Variants in CUEDC2 observed in about 807,000 individuals in gnomAD.
CUEDC2 encodes CUE domain containing 2.
A neutral mutation model predicts 36.0 loss-of-function variants in CUEDC2; 10 were observed. The ratio of observed to expected loss-of-function variants is 0.28; its 90% CI spans 0.17 to 0.47. The LOEUF is 0.47. Ranked by LOEUF, CUEDC2 falls within the 20% of genes least tolerant of loss-of-function variation. CUEDC2 has a pLI of 0.99. For missense variants in CUEDC2, 269 were observed against 368.1 expected (o/e 0.73, Z 2.20); for synonymous variants, 133 against 141.8 (o/e 0.94, Z 0.44).
intron 1 of CUEDC2, among the ~76,000 whole-genome samples, chr10:102,426,613 C>T (rs2061597542): frequency 6.6e-6 from 1 of 152,024 alleles, no homozygotes; most frequent in Admixed American, 6.6e-5. Context: ...GCTTCTGCTC[C>T]AAAATCTCCA....
chr10:102,426,561 T>G (rs1399934938), intron 1 of CUEDC2, among the ~76,000 whole-genome samples: 1 of 152,186 alleles, frequency 6.6e-6, no homozygotes, highest in Admixed American at 6.5e-5. Context: ...CCTTCTTTCC[T>G]TCTTATCTGC....
At position 102,423,927 on chromosome 10, in the gene CUEDC2, G is replaced by C. The variant is rs1365805257; in HGVS notation, c.595-68C>G. 1 of 1,601,682 alleles carries C rather than the reference G, an allele frequency of 6.2e-7. No individual in the cohort carries two copies. Among genetic ancestry groups the C allele is most frequent in the Non-Finnish European group, 8.5e-7 (1 of 1,173,536 alleles). Reference sequence around the variant, plus strand: ...AGGGGAAACAGATGGGGATAGGTAGGGGTTGGGGCTTAACACCAAGGTGGA... The same window carrying C: ...AGGGGAAACAGATGGGGATAGGTAGCGGTTGGGGCTTAACACCAAGGTGGA... On this transcript the variant is annotated intron_variant, in intron 6 of 8. Coordinates refer to ENST00000369937, the MANE Select transcript of CUEDC2 (RefSeq NM_024040.3). The surrounding 1 kb of genome is among the most constrained non-coding windows in gnomAD (Gnocchi z 5.6).
At position 102,423,358 on chromosome 10, in the gene CUEDC2, G is replaced by C; in HGVS notation, c.*68C>G. The C allele has an allele frequency of 6.3e-7, 1 of 1,597,366 alleles. No individual in the cohort carries two copies. Among genetic ancestry groups the C allele is most frequent in the Non-Finnish European group, 8.6e-7 (1 of 1,166,728 alleles). Reference sequence around the variant, plus strand: ...CAGGAGTTAGGGGGCCCCTGTGTAGGGGTATAGGGCTCCTGCATCCCTCTG... The same window carrying C: ...CAGGAGTTAGGGGGCCCCTGTGTAGCGGTATAGGGCTCCTGCATCCCTCTG... On this transcript the variant is annotated 3_prime_UTR_variant, in exon 9 of 9. Coordinates refer to ENST00000369937, the MANE Select transcript of CUEDC2 (RefSeq NM_024040.3). The surrounding 1 kb of genome is among the most constrained non-coding windows in gnomAD (Gnocchi z 5.6).
chr10:102,426,407 C>G (rs76297957), intron 1 of CUEDC2, among the ~76,000 whole-genome samples: 1,698 of 152,256 alleles, frequency 0.011, 21 homozygotes, highest in African/African-American at 0.036. Flanking sequence ...GACTACTGAT[C>G]TGCGCACATC....
intron 1 of CUEDC2, among the ~76,000 whole-genome samples, chr10:102,431,061 A>G (rs1251064813): frequency 6.6e-6 from 1 of 152,212 alleles, no homozygotes; most frequent in Non-Finnish European, 1.5e-5. Context: ...GCACTTTTAC[A>G]TGTATTAACT....
intron 1 of CUEDC2, among the ~76,000 whole-genome samples, chr10:102,428,220 C>G (rs2061604874): frequency 6.6e-6 from 1 of 152,192 alleles, no homozygotes. Flanking sequence ...GGATTACAGG[C>G]ATGACAAAGC....
Position 102,425,098 on chromosome 10 carries a change from G to C in CUEDC2, c.74+17C>G. On this transcript the variant is annotated intron_variant, in intron 2 of 8. Transcript: ENST00000369937. ...GCTCCAGCACTGACATGAGCCTTCC[G>C]GGGGACCCGTCTCTACCTGAGGTCG... 2 of 1,609,380 alleles carry C rather than the reference G, an allele frequency of 1.2e-6. No individual in the cohort carries two copies. The highest frequency in any genetic ancestry group is 1.1e-5 in the South Asian group (1 of 90,984).
intron 1 of CUEDC2, among the ~76,000 whole-genome samples, chr10:102,430,389 G>C (rs528146265): frequency 6.6e-6 from 1 of 151,650 alleles, no homozygotes; most frequent in Non-Finnish European, 1.5e-5. Context: ...GGCTGGTCTC[G>C]AACTCCCGAC....
chr10:102,430,121 C>T (rs1190223551), intron 1 of CUEDC2, among the ~76,000 whole-genome samples: 1 of 92,300 alleles, frequency 1.1e-5, no homozygotes, highest in East Asian at 3.0e-4. Flanking sequence ...TGGCTGAAAG[C>T]CCAGGTTTTC....
At chr10:102,429,987 A>G (rs2061610718) in intron 1 of CUEDC2, among the ~76,000 whole-genome samples, 1 of 150,810 alleles carries the variant, frequency 6.6e-6, no homozygotes, top group African/African-American at 2.4e-5. Flanking sequence ...TTTGGTAGAG[A>G]CGGGGTTTCA....
At position 102,424,326 on chromosome 10, in the gene CUEDC2, G is replaced by C; in HGVS notation, c.349C>G (p.Pro117Ala). 1.9e-6 allele frequency: 3 copies of C among 1,614,144 alleles called. No homozygotes were observed. The highest frequency in any genetic ancestry group is 2.5e-6 in the Non-Finnish European group (3 of 1,180,018). The change falls in exon 5 of 9, where the codon CCC (proline) becomes GCC (alanine). Residue 117 changes from proline to alanine, a missense_variant. By Grantham distance (27) the Pro-to-Ala change is conservative. Transcript: ENST00000369937. This position sits in a 1 kb window ranked among gnomAD's most constrained non-coding sequence, Gnocchi z 4.2. The stretch of plus-strand genomic sequence containing the variant: ...CTAGTCTCTTCTTTGAGCATTTCGG[G>C]CCGCTGCAGGGGCTCTGGGGAGATG... ...VPISPEPLQRPEMLKEETRSS... is the reference protein window; with the variant it reads ...VPISPEPLQRAEMLKEETRSS...
chr10:102,428,084 GAC>G (rs1208618116), intron 1 of CUEDC2, among the ~76,000 whole-genome samples: 2,034 of 152,262 alleles, frequency 0.013, 43 homozygotes, highest in African/African-American at 0.047. Flanking sequence ...TGGGATTACA[GAC>G]ATGTGCACCA....
Position 102,425,170 on chromosome 10 carries a change from C to G in CUEDC2, c.19G>C (p.Val7Leu). Residue 7 changes from valine to leucine, a missense_variant, in exon 2 of 9, where the codon GTC becomes CTC. Coordinates refer to ENST00000369937, the MANE Select transcript of CUEDC2 (RefSeq NM_024040.3). ...ACAAAGGCAAGGAGGGCTGCACTGA[C>G]GATCCTCTCCAGCTCCATGCTCTCT... MELERIVSAALLAFVQT... is the reference protein window; with the variant it reads MELERILSAALLAFVQT... 1.9e-6 allele frequency: 3 copies of G among 1,613,814 alleles called. No homozygotes were observed. The highest frequency in any genetic ancestry group is 2.5e-6 in the Non-Finnish European group (3 of 1,179,882).
At chr10:102,426,735 C>A (rs957503150) in intron 1 of CUEDC2, among the ~76,000 whole-genome samples, 1 of 152,062 alleles carries the variant, frequency 6.6e-6, no homozygotes, top group African/African-American at 2.4e-5. Context: ...CAGCTCAAGC[C>A]ATCCTCCTGC....
rs759596414 is a variant in CUEDC2, at chr10:102,425,098, G to A, written c.74+17C>T. The A allele has an allele frequency of 3.5e-5, 57 of 1,609,260 alleles. No individual in the cohort carries two copies. Among genetic ancestry groups the A allele is most frequent in the South Asian group, 2.6e-4 (24 of 90,988 alleles). Reference sequence around the variant, plus strand: ...GCTCCAGCACTGACATGAGCCTTCCGGGGGACCCGTCTCTACCTGAGGTCG... The same window carrying A: ...GCTCCAGCACTGACATGAGCCTTCCAGGGGACCCGTCTCTACCTGAGGTCG... On this transcript the variant is annotated intron_variant, in intron 2 of 8. Coordinates refer to ENST00000369937, the MANE Select transcript of CUEDC2 (RefSeq NM_024040.3).
intron 1 of CUEDC2, among the ~76,000 whole-genome samples, chr10:102,426,931 G>A (rs2061598953): frequency 6.6e-6 from 1 of 151,970 alleles, no homozygotes; most frequent in Non-Finnish European, 1.5e-5. Context: ...CCAAAGTGCT[G>A]GGATTACAGC....
Position 102,424,808 on chromosome 10 carries a change from A to G in CUEDC2, c.75-16T>C. On this transcript the variant is annotated splice_polypyrimidine_tract_variant and intron_variant, in intron 2 of 8. Coordinates refer to ENST00000369937, the MANE Select transcript of CUEDC2 (RefSeq NM_024040.3). The surrounding 1 kb of genome is among the most constrained non-coding windows in gnomAD (Gnocchi z 4.2). ...ATCCAAGCCACTGCAGGAAGGGAAC[A>G]GGACAAGCCCTGGGTAGGACACTGG... 6.2e-7 allele frequency: 1 copy of G among 1,611,928 alleles called. No individual in the cohort carries two copies. The highest frequency in any genetic ancestry group is 8.5e-7 in the Non-Finnish European group (1 of 1,179,760).
intron 1 of CUEDC2, among the ~76,000 whole-genome samples, chr10:102,426,726 A>G (rs2061598048): frequency 6.6e-6 from 1 of 152,074 alleles, no homozygotes; most frequent in South Asian, 2.1e-4. Context: ...CCATCTCCCC[A>G]GCTCAAGCCA....
In CUEDC2 at chr10:102,424,496, C is replaced by T; in HGVS notation, c.280+3G>A. On this transcript the variant is annotated splice_donor_region_variant and intron_variant, in intron 4 of 8. Coordinates refer to ENST00000369937, the MANE Select transcript of CUEDC2 (RefSeq NM_024040.3). The surrounding 1 kb of genome is among the most constrained non-coding windows in gnomAD (Gnocchi z 4.2). Reference sequence around the variant, plus strand: ...ACTCAGGTGCCCAGAGCCCCAGACTCACCTTTGTTCCTGGCATCGCTCAGC... The same window carrying T: ...ACTCAGGTGCCCAGAGCCCCAGACTTACCTTTGTTCCTGGCATCGCTCAGC... The T allele has an allele frequency of 6.2e-7, 1 of 1,614,150 alleles. No individual in the cohort carries two copies. Among genetic ancestry groups the T allele is most frequent in the Non-Finnish European group, 8.5e-7 (1 of 1,180,016 alleles).
Sources: allele counts gnomAD v4.1 joint callset (sites outside exome capture counted in the v4.1 genomes callset), GRCh38; gene constraint gnomAD v4.1.1; non-coding constraint Gnocchi (gnomAD v3.1); transcripts MANE v1.5; gene names NCBI Gene and HGNC (gene_info 2026-07-23, HGNC 2026-07-21).